Variants in CHST8 observed in about 807,000 individuals in gnomAD.
CHST8 encodes carbohydrate sulfotransferase 8.
CHST8 carries 10 observed loss-of-function variants against 15.0 expected under a neutral mutation model. The observed-to-expected ratio is 0.67, with a 90% confidence interval of 0.41 to 1.13. The LOEUF (loss-of-function observed/expected upper bound fraction) is 1.13, where lower values mean the gene tolerates loss of function less well. CHST8 is among the 50% of genes most tolerant of loss of function. The probability of loss-of-function intolerance (pLI) is 0.00; values close to 1 mark genes in which losing one functional copy is unlikely to be tolerated. For synonymous variants in CHST8, 259 were observed against 256.6 expected (o/e 1.01, Z -0.09); for missense variants, 634 against 608.2 (o/e 1.04, Z -0.45).
At chr19:33,761,297 G>T (rs945252527) in intron 3 of CHST8, among the ~76,000 whole-genome samples, 1 of 152,078 alleles carries the variant, frequency 6.6e-6, no homozygotes, top group Admixed American at 6.6e-5. Flanking sequence ...GAGGCCAGGA[G>T]TTGCTGGGCA....
At chr19:33,706,508 C>T (rs1046379337) in intron 3 of CHST8, among the ~76,000 whole-genome samples, 2 of 152,160 alleles carry the variant, frequency 1.3e-5, no homozygotes, top group Non-Finnish European at 2.9e-5. Context: ...TGAGCGTACC[C>T]TGACAATGTC....
At chr19:33,763,634 A>T (rs1391366172) in intron 3 of CHST8, among the ~76,000 whole-genome samples, 1 of 152,252 alleles carries the variant, frequency 6.6e-6, no homozygotes, top group Non-Finnish European at 1.5e-5. Flanking sequence ...ATGAACACAG[A>T]TGAGAATTGA....
chr19:33,694,263 T>G (rs1973165054), intron 3 of CHST8, among the ~76,000 whole-genome samples: 1 of 144,098 alleles, frequency 6.9e-6, no homozygotes, highest in Non-Finnish European at 1.5e-5. Context: ...TGTAAATAGT[T>G]CGTTCTTTTA....
At chr19:33,760,874 T>C (rs147543742) in intron 3 of CHST8, among the ~76,000 whole-genome samples, 378 of 152,288 alleles carry the variant, frequency 2.5e-3, no homozygotes, top group African/African-American at 6.8e-3. Context: ...TCCTCCTTGC[T>C]AGACTGGAAG....
intron 3 of CHST8, among the ~76,000 whole-genome samples, chr19:33,764,652 C>A (rs755542224): frequency 1.8e-4 from 28 of 152,142 alleles, no homozygotes; most frequent in Non-Finnish European, 4.0e-4. Context: ...AGGGTCTTTG[C>A]CGATGTAATC....
chr19:33,666,578 C>G lies in CHST8; in HGVS notation c.-163-1189C>G, dbSNP rs117921776. ...GGCTGGGCATCAGGGAAGAGGGTGC[C>G]GGGAGAGGTGGGAGAGTGGGAGGAG... On this transcript the variant is annotated intron_variant, in intron 1 of 4. Transcript: ENST00000650847. 2.0e-5 allele frequency among the ~76,000 whole-genome samples: 3 copies of G among 151,990 alleles called. No homozygotes were observed. The South Asian group carries it at 6.2e-4, about 32-fold the overall frequency.
At chr19:33,686,267 C>T (rs1009734082) in intron 2 of CHST8, among the ~76,000 whole-genome samples, 1 of 152,114 alleles carries the variant, frequency 6.6e-6, no homozygotes, top group Non-Finnish European at 1.5e-5. Context: ...TGTCTTCTTC[C>T]CCTTCCTGGA....
At chr19:33,753,032 C>A (rs1048894363) in intron 3 of CHST8, among the ~76,000 whole-genome samples, 1 of 152,144 alleles carries the variant, frequency 6.6e-6, no homozygotes, top group Non-Finnish European at 1.5e-5. Context: ...GCCTTCCCTG[C>A]AGCCAGGGGG....
At chr19:33,726,004 A>T (rs1973890243) in intron 3 of CHST8, among the ~76,000 whole-genome samples, 1 of 152,176 alleles carries the variant, frequency 6.6e-6, no homozygotes, top group Non-Finnish European at 1.5e-5. Flanking sequence ...GTGGGGCATG[A>T]AGGTCATTGC....
intron 3 of CHST8, among the ~76,000 whole-genome samples, chr19:33,745,146 G>T (rs182660708): frequency 6.6e-6 from 1 of 152,186 alleles, no homozygotes; most frequent in Non-Finnish European, 1.5e-5. Context: ...GACTCCCAAA[G>T]TGTTGGGATT....
intron 3 of CHST8, among the ~76,000 whole-genome samples, chr19:33,716,797 A>G (rs778151463): frequency 1.1e-4 from 17 of 152,204 alleles, no homozygotes; most frequent in African/African-American, 3.6e-4. Flanking sequence ...ATTATGGACT[A>G]AGTGGCTTAA....
intron 3 of CHST8, among the ~76,000 whole-genome samples, chr19:33,758,413 C>T (rs1211296159): frequency 6.6e-6 from 1 of 152,202 alleles, no homozygotes; most frequent in Non-Finnish European, 1.5e-5. Flanking sequence ...TCTGGAGCCC[C>T]ACTCTCCCCA....
At chr19:33,657,889 T>C (rs1972533104) in intron 1 of CHST8, among the ~76,000 whole-genome samples, 1 of 152,166 alleles carries the variant, frequency 6.6e-6, no homozygotes, top group African/African-American at 2.4e-5. Flanking sequence ...TACTTAACTA[T>C]AAATTTTTTA....
At chr19:33,689,084 G>A (rs1973044225) in intron 2 of CHST8, 92 bp from the exon 3 acceptor site, 1 of 598,460 alleles carries the variant, frequency 1.7e-6, no homozygotes, top group African/African-American at 1.9e-5. Flanking sequence ...GAGTCATCCG[G>A]GGATTGCACT....
intron 2 of CHST8, among the ~76,000 whole-genome samples, chr19:33,688,531 T>C (rs1973030301): frequency 6.6e-6 from 1 of 152,132 alleles, no homozygotes; most frequent in Non-Finnish European, 1.5e-5. Flanking sequence ...GGCCAGAGCC[T>C]CAGCTCCCTC....
At chr19:33,706,144 G>A (rs111977187) in intron 3 of CHST8, among the ~76,000 whole-genome samples, 2 of 152,118 alleles carry the variant, frequency 1.3e-5, no homozygotes, top group Admixed American at 6.5e-5. Flanking sequence ...CTTGGTGACC[G>A]GACAACCACT....
At chr19:33,739,459 T>G (rs1974145828) in intron 3 of CHST8, among the ~76,000 whole-genome samples, 1 of 152,142 alleles carries the variant, frequency 6.6e-6, no homozygotes, top group Non-Finnish European at 1.5e-5. Context: ...TCCCAGAGAG[T>G]GTTTGCAGTT....
At chr19:33,642,298 C>A (rs1028121347) in intron 1 of CHST8, among the ~76,000 whole-genome samples, 2 of 152,190 alleles carry the variant, frequency 1.3e-5, no homozygotes, top group Non-Finnish European at 2.9e-5. Flanking sequence ...CAGAGGGCCC[C>A]CCCCCACTCC....
At chr19:33,761,241 G>T (rs1283374279) in intron 3 of CHST8, among the ~76,000 whole-genome samples, 1 of 152,186 alleles carries the variant, frequency 6.6e-6, no homozygotes, top group Non-Finnish European at 1.5e-5. Flanking sequence ...GGTGGCTTAT[G>T]CCTGTAATCC....
Sources: allele counts gnomAD v4.1 joint callset (sites outside exome capture counted in the v4.1 genomes callset), GRCh38; gene constraint gnomAD v4.1.1; transcripts MANE v1.5; gene names NCBI Gene and HGNC (gene_info 2026-07-23, HGNC 2026-07-21).